Variants in TRAF5 observed in about 807,000 individuals in gnomAD.
TRAF5 encodes the protein TNF receptor associated factor 5, also known as TNF receptor-associated factor 5.
Under a neutral mutation model 64.5 loss-of-function variants are expected in TRAF5, and 48 were observed. That is an observed-to-expected ratio of 0.74 (90% CI 0.59 to 0.95). TRAF5 has a LOEUF of 0.95. TRAF5 is among the 40% of genes least tolerant of loss of function. The pLI is 0.00. For missense variants in TRAF5, 545 were observed against 662.8 expected, an observed-to-expected ratio of 0.82 and a Z score of 1.95; for synonymous variants, 206 against 240.5, an observed-to-expected ratio of 0.86 and a Z score of 1.33.
intron 1 of TRAF5, among the ~76,000 whole-genome samples, chr1:211,329,396 C>T (rs1702101639): frequency 1.3e-5 from 2 of 152,194 alleles, no homozygotes; most frequent in African/African-American, 2.4e-5. Context: ...GTACAGCTTA[C>T]GAGAAGCCCA....
intron 6 of TRAF5, 144 bp downstream of exon 6, chr1:211,360,923 CTT>C: frequency 1.0e-6 from 1 of 1,002,256 alleles, no homozygotes; most frequent in Middle Eastern, 2.2e-4. Context: ...CTTCCCTTCT[CTT>C]TTTCCTGCGA....
At chr1:211,337,252 T>C (rs756985571) in intron 1 of TRAF5, among the ~76,000 whole-genome samples, 1 of 152,218 alleles carries the variant, frequency 6.6e-6, no homozygotes, top group Non-Finnish European at 1.5e-5. Context: ...GCCTCCCTTG[T>C]GAGATAACAT....
intron 1 of TRAF5, among the ~76,000 whole-genome samples, chr1:211,336,224 A>G (rs532555977): frequency 3.3e-5 from 5 of 152,276 alleles, no homozygotes; most frequent in Non-Finnish European, 5.9e-5. Flanking sequence ...GGCCCCATAA[A>G]TGTTGATTGC....
At position 211,365,473 on chromosome 1, in the gene TRAF5, A is replaced by G. The variant is rs761660100; in HGVS notation, c.789+5A>G. The G allele has an allele frequency of 1.9e-6, 3 of 1,609,818 alleles. No homozygotes were observed. The highest frequency in any genetic ancestry group is 2.2e-5 in the East Asian group (1 of 44,750). On this transcript the variant is annotated splice_donor_5th_base_variant and intron_variant, in intron 8 of 10. Coordinates refer to ENST00000261464, the MANE Select transcript of TRAF5 (RefSeq NM_001033910.3). ...AATGTCCAATTAGAAGAACAGGTAA[A>G]TCTTCAAAGGTTCAAATAAAAAGTG...
intron 1 of TRAF5, among the ~76,000 whole-genome samples, chr1:211,339,938 C>T (rs966813399): frequency 2.6e-5 from 4 of 152,232 alleles, no homozygotes; most frequent in Non-Finnish European, 4.4e-5. Context: ...TATAAACTTA[C>T]ACAAAGTCAG....
At position 211,371,222 on chromosome 1, in the gene TRAF5, T is replaced by C. The variant is rs74137662; in HGVS notation, c.931-80T>C. 6.2e-4 allele frequency: 830 copies of C among 1,340,834 alleles called. 2 individuals carry two copies. The African/African-American group carries it at 0.011, about 18-fold the overall frequency. The allele number at this position is 1,340,834 out of a possible 1,614,324, so 83.1% of individuals were successfully genotyped here. A position where few individuals can be genotyped will look rare whatever the true frequency, so the allele number is the denominator to read the frequency against. ...ATTGATTAAATGTGATATGTTTGAATTGAAAAAAATTTTAATCTCAATGAA... is the reference window on the plus strand; with the variant it reads ...ATTGATTAAATGTGATATGTTTGAACTGAAAAAAATTTTAATCTCAATGAA... On this transcript the variant is annotated intron_variant, in intron 9 of 10. Coordinates refer to ENST00000261464, the MANE Select transcript of TRAF5 (RefSeq NM_001033910.3).
intron 1 of TRAF5, among the ~76,000 whole-genome samples, chr1:211,344,006 GTCTGGTT>G (rs1421883239): frequency 6.6e-6 from 1 of 152,112 alleles, no homozygotes. Context: ...TTTCCTCTTG[GTCTGGTT>G]TCTGAGAGCA....
intron 4 of TRAF5, chr1:211,358,944 A>C (rs1006108693): frequency 3.3e-5 from 5 of 150,940 alleles, no homozygotes; most frequent in African/African-American, 1.2e-4. Context: ...ATAAAATTAG[A>C]GAATATTTAA....
At chr1:211,352,257 T>G (rs999947356) in intron 1 of TRAF5, among the ~76,000 whole-genome samples, 2 of 151,618 alleles carry the variant, frequency 1.3e-5, no homozygotes, top group Non-Finnish European at 2.9e-5. Context: ...GTAGGCAAAA[T>G]GAGAGAGAGC....
chr1:211,355,835 TAA>T (rs1702944272), intron 3 of TRAF5, among the ~76,000 whole-genome samples: 1 of 152,244 alleles, frequency 6.6e-6, no homozygotes, highest in Non-Finnish European at 1.5e-5. Context: ...TCAGTGTTCA[TAA>T]ATAGTGTTTT....
intron 1 of TRAF5, among the ~76,000 whole-genome samples, chr1:211,348,436 A>G (rs887363535): frequency 3.3e-5 from 5 of 152,192 alleles, no homozygotes; most frequent in African/African-American, 1.2e-4. Context: ...TTAAAAAAAG[A>G]CAAGATTTTC....
intron 4 of TRAF5, chr1:211,357,378 G>A (rs984432813): frequency 6.6e-6 from 1 of 152,162 alleles, no homozygotes; most frequent in African/African-American, 2.4e-5. Context: ...TAGAACTTTT[G>A]TTATGTTTTC....
chr1:211,343,161 G>A (rs1039244202), intron 1 of TRAF5, among the ~76,000 whole-genome samples: 15 of 152,094 alleles, frequency 9.9e-5, no homozygotes, highest in African/African-American at 4.8e-5. Context: ...CATTATCATC[G>A]TTTTACAGAT....
At chr1:211,341,711 A>T (rs999343335) in intron 1 of TRAF5, among the ~76,000 whole-genome samples, 3 of 152,170 alleles carry the variant, frequency 2.0e-5, no homozygotes, top group Non-Finnish European at 4.4e-5. Context: ...CTGAGGATGG[A>T]GAATGGGCCA....
chr1:211,372,816 T>G lies in TRAF5; in HGVS notation c.*114T>G, dbSNP rs921122805. 9.2e-6 allele frequency: 9 copies of G among 973,366 alleles called. No individual in the cohort carries two copies. In the African/African-American group the frequency reaches 1.5e-4, roughly 16 times the overall value. The allele number at this position is 973,366 out of a possible 1,614,324, so 60.3% of individuals were successfully genotyped here. A position where few individuals can be genotyped will look rare whatever the true frequency, so the allele number is the denominator to read the frequency against. On this transcript the variant is annotated 3_prime_UTR_variant, in exon 11 of 11. Coordinates refer to ENST00000261464, the MANE Select transcript of TRAF5 (RefSeq NM_001033910.3). Reference sequence around the variant, plus strand: ...TCAAAGCACATTTGTATTTGCCTTTTTCCTTAACGTTTGAAGTCAGTTTAA... The same window carrying G: ...TCAAAGCACATTTGTATTTGCCTTTGTCCTTAACGTTTGAAGTCAGTTTAA...
chr1:211,331,482 T>A (rs1327442721), intron 1 of TRAF5, among the ~76,000 whole-genome samples: 1 of 152,162 alleles, frequency 6.6e-6, no homozygotes, highest in Non-Finnish European at 1.5e-5. Context: ...ATTAAATGAG[T>A]CAATATATAC....
At chr1:211,365,243 T>G (rs542736470) in intron 7 of TRAF5, 133 bp from the exon 8 acceptor site, 82 of 662,256 alleles carry the variant, frequency 1.2e-4, no homozygotes, top group African/African-American at 1.2e-3. Context: ...GCAACCCACC[T>G]AGAGACTGGT....
Position 211,365,412 on chromosome 1 carries a change from G to T in TRAF5, c.733G>T (p.Ala245Ser), listed in dbSNP as rs766591927. ...RRNLQQHEHS[A>S]LREHMRLVLE... ...GAACCTGCAGCAACATGAGCATTCA[G>T]CCTTACGGGAGCACATGCGTTTGGT... The change falls in exon 8 of 11, where the codon GCC becomes TCC. Residue 245 changes from alanine (A) to serine (S), a missense_variant. By Grantham distance (99) the Ala-to-Ser change is moderately conservative. Transcript: ENST00000261464. 1.2e-6 allele frequency: 2 copies of T among 1,613,796 alleles called. No homozygotes were observed. The highest frequency in any genetic ancestry group is 1.3e-5 in the African/African-American group (1 of 74,906).
At chr1:211,361,296 A>C in intron 7 of TRAF5, 134 bp downstream of exon 7, 1 of 731,154 alleles carries the variant, frequency 1.4e-6, no homozygotes, top group South Asian at 1.8e-5. Flanking sequence ...ATTATTTTAG[A>C]GTTCTCCAGA....
Sources: allele counts gnomAD v4.1 joint callset (sites outside exome capture counted in the v4.1 genomes callset), GRCh38; gene constraint gnomAD v4.1.1; transcripts MANE v1.5; gene names NCBI Gene and HGNC (gene_info 2026-07-23, HGNC 2026-07-21).